The following CNTN5 variants were observed in gnomAD, a reference collection of about 807,000 sequenced individuals.
The protein encoded by CNTN5 is contactin-5.
Under a neutral mutation model 129.1 loss-of-function variants are expected in CNTN5, and 77 were observed. The ratio of observed to expected loss-of-function variants is 0.60; its 90% CI spans 0.50 to 0.72. CNTN5 has a LOEUF of 0.72. CNTN5 is among the 30% of genes least tolerant of loss of function. The pLI is 0.00. For missense variants in CNTN5, 1,478 were observed against 1,328.8 expected (o/e 1.11, Z -1.75); for synonymous variants, 509 against 465.6 (o/e 1.09, Z -1.20).
intron 2 of CNTN5, among the ~76,000 whole-genome samples, chr11:99,469,320 G>A (rs983215614): frequency 1.3e-5 from 2 of 151,906 alleles, no homozygotes; most frequent in African/African-American, 4.8e-5. Flanking sequence ...TCCATTCATG[G>A]TATAAACTAT....
chr11:99,320,577 C>A (rs1268082838), intron 1 of CNTN5, among the ~76,000 whole-genome samples: 4 of 151,946 alleles, frequency 2.6e-5, no homozygotes, highest in Non-Finnish European at 4.4e-5. Context: ...ACTTAAGAAC[C>A]TTCTAAGGCA....
chr11:99,564,421 T>A (rs1209068031), intron 3 of CNTN5, among the ~76,000 whole-genome samples: 1 of 152,064 alleles, frequency 6.6e-6, no homozygotes, highest in Non-Finnish European at 1.5e-5. Flanking sequence ...TAAAGTAGAC[T>A]AAATATTTCT....
At chr11:100,215,239 A>G (rs1591400508) in intron 15 of CNTN5, among the ~76,000 whole-genome samples, 1 of 152,214 alleles carries the variant, frequency 6.6e-6, no homozygotes, top group Non-Finnish European at 1.5e-5. Flanking sequence ...ATGGGCTTAG[A>G]AAGAAGTTAC....
intron 13 of CNTN5, among the ~76,000 whole-genome samples, chr11:100,183,074 TA>T (rs1948187288): frequency 6.6e-6 from 1 of 152,118 alleles, no homozygotes; most frequent in Non-Finnish European, 1.5e-5. Flanking sequence ...TTCTACTACC[TA>T]CTTGTTATGA....
At chr11:100,308,229 G>GT (rs1346529625) in intron 20 of CNTN5, 130 bp from the exon 21 acceptor site, 4 of 764,770 alleles carry the variant, frequency 5.2e-6, no homozygotes, top group Non-Finnish European at 8.1e-6. Flanking sequence ...ATTTTGTTGT[G>GT]TTTTTTATAA....
intron 3 of CNTN5, among the ~76,000 whole-genome samples, chr11:99,728,211 A>G (rs2135078290): frequency 6.6e-6 from 1 of 152,252 alleles, no homozygotes; most frequent in South Asian, 2.1e-4. Context: ...CATGAGAGAG[A>G]GAGAGGGAAA....
chr11:100,217,864 T>C (rs1266263816), intron 15 of CNTN5, among the ~76,000 whole-genome samples: 1 of 152,292 alleles, frequency 6.6e-6, no homozygotes, highest in East Asian at 1.9e-4. Flanking sequence ...ATAACTTTAA[T>C]GATGTGAGTT....
chr11:99,194,757 C>T (rs775817965), intron 1 of CNTN5, among the ~76,000 whole-genome samples: 23 of 152,210 alleles, frequency 1.5e-4, no homozygotes, highest in Non-Finnish European at 2.6e-4. Context: ...AGGTGCATGC[C>T]GCCATGCCCA....
At chr11:100,041,541 T>C (rs1318404953) in intron 9 of CNTN5, among the ~76,000 whole-genome samples, 1 of 152,202 alleles carries the variant, frequency 6.6e-6, no homozygotes, top group Non-Finnish European at 1.5e-5. Context: ...TGCTTTGGCA[T>C]GTGATTCTCC....
chr11:99,503,930 T>A (rs1946519364), intron 2 of CNTN5, among the ~76,000 whole-genome samples: 1 of 152,168 alleles, frequency 6.6e-6, no homozygotes, highest in Non-Finnish European at 1.5e-5. Context: ...TAAATTACAA[T>A]GTATTTGTAA....
At chr11:100,029,006 G>T (rs1468346339) in intron 9 of CNTN5, among the ~76,000 whole-genome samples, 1 of 152,008 alleles carries the variant, frequency 6.6e-6, no homozygotes, top group Non-Finnish European at 1.5e-5. Context: ...CTAAGAAAAT[G>T]CCCGGAGGCC....
chr11:99,690,407 C>G (rs1953992674), intron 3 of CNTN5, among the ~76,000 whole-genome samples: 1 of 151,860 alleles, frequency 6.6e-6, no homozygotes, highest in Non-Finnish European at 1.5e-5. Context: ...TGTTTTGTTT[C>G]TTTGTTTGCT....
intron 2 of CNTN5, among the ~76,000 whole-genome samples, chr11:99,381,350 T>C (rs1940548957): frequency 6.6e-6 from 1 of 152,172 alleles, no homozygotes; most frequent in African/African-American, 2.4e-5. Context: ...TGAAAGTCAA[T>C]GGAGATGATT....
intron 18 of CNTN5, among the ~76,000 whole-genome samples, chr11:100,289,533 G>A (rs1950899511): frequency 6.6e-6 from 1 of 152,118 alleles, no homozygotes; most frequent in African/African-American, 2.4e-5. Context: ...AATAGCAGCA[G>A]AAAAAGCCTT....
intron 2 of CNTN5, among the ~76,000 whole-genome samples, chr11:99,523,644 TAGAATAG>T (rs1947360443): frequency 1.2e-5 from 1 of 82,044 alleles, no homozygotes; most frequent in Non-Finnish European, 2.6e-5. Flanking sequence ...TAGAATAGAA[TAGAATAG>T]AACAGAACAG....
chr11:99,105,422 A>G (rs1484860643), intron 1 of CNTN5, among the ~76,000 whole-genome samples: 1 of 152,192 alleles, frequency 6.6e-6, no homozygotes, highest in Non-Finnish European at 1.5e-5. Flanking sequence ...TAACTACCAT[A>G]AATGTTGTTA....
chr11:99,495,489 C>T (rs1946191391), intron 2 of CNTN5, among the ~76,000 whole-genome samples: 2 of 152,186 alleles, frequency 1.3e-5, no homozygotes, highest in East Asian at 1.9e-4. Flanking sequence ...ATGGCCCACT[C>T]ACATAGAAAG....
chr11:100,243,902 T>C (rs557226891), intron 16 of CNTN5, among the ~76,000 whole-genome samples: 1 of 152,332 alleles, frequency 6.6e-6, no homozygotes, highest in Non-Finnish European at 1.5e-5. Context: ...AAATTAATTT[T>C]ATTAAATTGA....
chr11:99,533,141 T>C (rs1947777334), intron 2 of CNTN5, among the ~76,000 whole-genome samples: 1 of 152,252 alleles, frequency 6.6e-6, no homozygotes, highest in African/African-American at 2.4e-5. Flanking sequence ...GAGAATCACT[T>C]GAACCCGGGA....
Sources: allele counts gnomAD v4.1 joint callset (sites outside exome capture counted in the v4.1 genomes callset), GRCh38; gene constraint gnomAD v4.1.1; transcripts MANE v1.5; gene names NCBI Gene and HGNC (gene_info 2026-07-23, HGNC 2026-07-21).